The following GRIK1 variants were observed in gnomAD, a reference collection of about 807,000 sequenced individuals.
The protein encoded by GRIK1 is glutamate ionotropic receptor kainate type subunit 1, also known as glutamate receptor ionotropic, kainate 1.
Under a neutral mutation model 105.7 loss-of-function variants are expected in GRIK1, and 69 were observed. That is an observed-to-expected ratio of 0.65 (90% CI 0.54 to 0.80). The LOEUF (loss-of-function observed/expected upper bound fraction) is 0.80, where lower values mean the gene tolerates loss of function less well. Ranked by LOEUF, GRIK1 falls within the 30% of genes least tolerant of loss-of-function variation. GRIK1 has a pLI of 0.00. For missense variants in GRIK1, 1,109 were observed against 1,167.3 expected (o/e 0.95, Z 0.73); for synonymous variants, 438 against 431.3 (o/e 1.02, Z -0.19).
In GRIK1 at chr21:29,659,230, C is replaced by G. The variant is rs79575766; in HGVS notation, c.727-4367G>C. Among the ~76,000 whole-genome samples the G allele has an allele frequency of 1.1e-3, 173 of 152,226 alleles. 5 individuals carry two copies. The East Asian group carries it at 0.033, about 29-fold the overall frequency. ...ATAGAATAAAGATATTACAAATAAA[C>G]AAATAATCATGATTGGGACAAGTCA... On this transcript the variant is annotated intron_variant, in intron 4 of 17. Coordinates refer to ENST00000327783, the MANE Select transcript of GRIK1 (RefSeq NM_001330994.2).
intron 1 of GRIK1, among the ~76,000 whole-genome samples, chr21:29,828,124 A>G (rs1182785082): frequency 6.6e-6 from 1 of 151,940 alleles, no homozygotes; most frequent in Non-Finnish European, 1.5e-5. Flanking sequence ...CAACAAAAGC[A>G]GAAGCTACCA....
intron 1 of GRIK1, among the ~76,000 whole-genome samples, chr21:29,721,879 G>A (rs1464104244): frequency 6.6e-6 from 1 of 152,068 alleles, no homozygotes; most frequent in African/African-American, 2.4e-5. Context: ...CCTTCCTCCT[G>A]AACTACTGTT....
At chr21:29,653,351 T>C (rs548086846) in intron 5 of GRIK1, among the ~76,000 whole-genome samples, 3 of 152,308 alleles carry the variant, frequency 2.0e-5, no homozygotes, top group Admixed American at 2.0e-4. Flanking sequence ...TCCTACAATT[T>C]AGGGTTTCCA....
At chr21:29,579,258 A>G (rs1165058305) in intron 13 of GRIK1, among the ~76,000 whole-genome samples, 1 of 152,126 alleles carries the variant, frequency 6.6e-6, no homozygotes, top group Non-Finnish European at 1.5e-5. Flanking sequence ...CATGTTTTCT[A>G]TTTTTATCTA....
chr21:29,757,804 T>A (rs768021650), intron 1 of GRIK1, among the ~76,000 whole-genome samples: 5 of 152,244 alleles, frequency 3.3e-5, no homozygotes, highest in Non-Finnish European at 7.3e-5. Context: ...ATTCCTGGCC[T>A]CTACCCATTA....
intron 1 of GRIK1, among the ~76,000 whole-genome samples, chr21:29,878,106 G>A (rs943029660): frequency 1.3e-5 from 2 of 152,124 alleles, no homozygotes; most frequent in Non-Finnish European, 1.5e-5. Context: ...ATTTCTCCTT[G>A]AAATGAATGA....
chr21:29,548,222 G>A (rs531228458), intron 16 of GRIK1, among the ~76,000 whole-genome samples: 1 of 152,104 alleles, frequency 6.6e-6, no homozygotes, highest in Non-Finnish European at 1.5e-5. Flanking sequence ...CCGTATTTGG[G>A]CTGACAACAA....
At position 29,939,375 on chromosome 21, in the gene GRIK1, T is replaced by A. The variant is rs1489116226; in HGVS notation, c.118+8A>T. The A allele has an allele frequency of 1.4e-6, 2 of 1,436,322 alleles. No individual in the cohort carries two copies. The highest frequency in any genetic ancestry group is 2.8e-5 in the African/African-American group (2 of 70,736). 89.0% of individuals were successfully genotyped at this position (1,436,322 alleles called of 1,614,324 possible). The stretch of plus-strand genomic sequence containing the variant: ...GTCTCCCGAGCAGGCAGCCTGGGGC[T>A]CACTCACCGATCCTGAGTACTTGCG... On this transcript the variant is annotated splice_region_variant and intron_variant, in intron 1 of 17. Transcript: ENST00000327783.
intron 7 of GRIK1, among the ~76,000 whole-genome samples, chr21:29,626,094 T>C (rs965474873): frequency 6.6e-6 from 1 of 152,136 alleles, no homozygotes; most frequent in African/African-American, 2.4e-5. Context: ...CACAGACTAA[T>C]TTATTTTTAA....
At chr21:29,936,039 T>A (rs776663824) in intron 1 of GRIK1, among the ~76,000 whole-genome samples, 4 of 152,238 alleles carry the variant, frequency 2.6e-5, no homozygotes, top group Non-Finnish European at 5.9e-5. Flanking sequence ...AGGTTTGCAA[T>A]AGTTTTAATT....
chr21:29,780,820 C>T (rs553079931), intron 1 of GRIK1, among the ~76,000 whole-genome samples: 1 of 152,304 alleles, frequency 6.6e-6, no homozygotes, highest in Non-Finnish European at 1.5e-5. Flanking sequence ...GCCACACCTG[C>T]TTTACATTTG....
chr21:29,751,899 C>T lies in GRIK1; in HGVS notation c.119-57836G>A, dbSNP rs149317050. Among the ~76,000 whole-genome samples the T allele has an allele frequency of 2.6e-5, 4 of 152,346 alleles. No individual in the cohort carries two copies. In the East Asian group the frequency reaches 7.7e-4, roughly 29 times the overall value. On this transcript the variant is annotated intron_variant, in intron 1 of 17. Coordinates refer to ENST00000327783, the MANE Select transcript of GRIK1 (RefSeq NM_001330994.2). The stretch of plus-strand genomic sequence containing the variant: ...TTCGAGACGCTAGCTGTCTTTCCTA[C>T]CTGCCTGTAACACATTCACAAAGTT...
intron 1 of GRIK1, among the ~76,000 whole-genome samples, chr21:29,854,263 T>C (rs1569161610): frequency 6.6e-6 from 1 of 152,082 alleles, no homozygotes; most frequent in Non-Finnish European, 1.5e-5. Context: ...CATAAACTAA[T>C]AGAGCAAGAA....
chr21:29,586,200 A>G (rs996669041), intron 12 of GRIK1, among the ~76,000 whole-genome samples: 1 of 152,230 alleles, frequency 6.6e-6, no homozygotes, highest in Non-Finnish European at 1.5e-5. Context: ...AAAGTATAAA[A>G]TCTGAGCTTT....
At chr21:29,543,969 A>G (rs1417447309) in intron 16 of GRIK1, among the ~76,000 whole-genome samples, 6 of 152,028 alleles carry the variant, frequency 3.9e-5, no homozygotes, top group Non-Finnish European at 8.8e-5. Context: ...TCATGTTTTC[A>G]TTACCTCCAT....
intron 1 of GRIK1, among the ~76,000 whole-genome samples, chr21:29,933,324 A>G (rs1352730349): frequency 6.6e-6 from 1 of 152,154 alleles, no homozygotes; most frequent in Non-Finnish European, 1.5e-5. Flanking sequence ...GTGTGCTGAA[A>G]TTGCAGTGGT....
At chr21:29,884,862 C>T (rs2069552404) in intron 1 of GRIK1, among the ~76,000 whole-genome samples, 1 of 152,032 alleles carries the variant, frequency 6.6e-6, no homozygotes, top group Non-Finnish European at 1.5e-5. Flanking sequence ...GAATCTTCAA[C>T]AGACATCCAG....
chr21:29,727,773 A>G (rs1168236817), intron 1 of GRIK1, among the ~76,000 whole-genome samples: 1 of 152,214 alleles, frequency 6.6e-6, no homozygotes, highest in African/African-American at 2.4e-5. Flanking sequence ...ATAAATAGAT[A>G]GAATGAAATA....
At chr21:29,541,575 C>CTGTTTTTTTTTTTTTTTTTT (rs2089971054) in intron 16 of GRIK1, among the ~76,000 whole-genome samples, 1 of 96,006 alleles carries the variant, frequency 1.0e-5, no homozygotes, top group African/African-American at 4.8e-5. Context: ...CACTCACGGT[C>CTGTTTTTTTTTTTTTTTTTT]TTTTTTTTTT....
Sources: gnomAD v4.1 joint callset for allele counts (sites outside exome capture counted in the v4.1 genomes callset) on GRCh38, gnomAD v4.1.1 for gene constraint, MANE v1.5 for transcripts, NCBI Gene and HGNC (gene_info 2026-07-23, HGNC 2026-07-21) for gene names.